The following RASSF6 variants were observed in gnomAD, a reference collection of about 807,000 sequenced individuals.
RASSF6 encodes ras association domain-containing protein 6.
In RASSF6, 52 loss-of-function variants were observed where a neutral mutation model predicts 44.0. The ratio of observed to expected loss-of-function variants is 1.18; its 90% CI spans 0.95 to 1.49. RASSF6 has a LOEUF of 1.49. RASSF6 is among the 40% of genes most tolerant of loss of function. The pLI is 0.00. For missense variants in RASSF6, 464 were observed against 393.3 expected, an observed-to-expected ratio of 1.18 and a Z score of -1.52; for synonymous variants, 162 against 124.6, an observed-to-expected ratio of 1.30 and a Z score of -2.00.
intron 3 of RASSF6, 135 bp downstream of exon 3, chr4:73,598,505 T>C: frequency 1.9e-6 from 1 of 522,232 alleles, no homozygotes; most frequent in Non-Finnish European, 3.4e-6. Flanking sequence ...AAGTCACAAG[T>C]GTTCCAAGCC....
At chr4:73,605,541 C>A (rs1474044222) in intron 2 of RASSF6, among the ~76,000 whole-genome samples, 1 of 152,214 alleles carries the variant, frequency 6.6e-6, no homozygotes, top group Non-Finnish European at 1.5e-5. Flanking sequence ...AGAAAGAATG[C>A]TTTTCAATCT....
intron 1 of RASSF6, among the ~76,000 whole-genome samples, chr4:73,613,283 T>C (rs958923913): frequency 6.6e-6 from 1 of 152,164 alleles, no homozygotes; most frequent in African/African-American, 2.4e-5. Context: ...CCAGGCAAAG[T>C]AATTCTATAC....
rs894482880 is a variant in RASSF6 at position 73,572,091 on chromosome 4, G to A, written c.*4144C>T. 1.3e-4 allele frequency: 20 copies of A among 152,110 alleles called. No homozygotes were observed. The highest frequency in any genetic ancestry group is 1.1e-3 in the Admixed American group (17 of 15,266). 9.4% of individuals were successfully genotyped at this position (152,110 alleles called of 1,614,324 possible). ...GGCTGAAGGTCTCTCATGAAATTAC[G>A]GTCAAGCTATTAGACAGGGCTGCAG... On this transcript the variant is annotated 3_prime_UTR_variant, in exon 11 of 11. Transcript: ENST00000307439.
intron 4 of RASSF6, among the ~76,000 whole-genome samples, chr4:73,591,728 C>T (rs955788347): frequency 3.3e-5 from 5 of 151,792 alleles, no homozygotes; most frequent in African/African-American, 7.3e-5. Context: ...GGATGGGAGA[C>T]GAGATAGATA....
chr4:73,579,832 T>C (rs1186321618), intron 8 of RASSF6, among the ~76,000 whole-genome samples: 1 of 151,932 alleles, frequency 6.6e-6, no homozygotes, highest in Admixed American at 6.6e-5. Context: ...TATGTGTCCT[T>C]AGAATTTTCC....
chr4:73,595,859 T>G (rs1441666658), intron 3 of RASSF6, among the ~76,000 whole-genome samples: 1 of 152,158 alleles, frequency 6.6e-6, no homozygotes, highest in Non-Finnish European at 1.5e-5. Flanking sequence ...TTAAGCTCAA[T>G]AGGAAAGGCC....
At chr4:73,600,351 A>G (rs1725199975) in intron 2 of RASSF6, among the ~76,000 whole-genome samples, 1 of 152,118 alleles carries the variant, frequency 6.6e-6, no homozygotes, top group Non-Finnish European at 1.5e-5. Flanking sequence ...ACAATAAACA[A>G]AGGAAGAAAA....
chr4:73,595,555 C>T (rs1453437878), intron 3 of RASSF6, among the ~76,000 whole-genome samples: 2 of 152,090 alleles, frequency 1.3e-5, no homozygotes, highest in Non-Finnish European at 2.9e-5. Context: ...AAAGAATATG[C>T]CTCAACTTAA....
intron 3 of RASSF6, among the ~76,000 whole-genome samples, chr4:73,594,229 A>C (rs1445737288): frequency 6.6e-6 from 1 of 152,252 alleles, no homozygotes; most frequent in Non-Finnish European, 1.5e-5. Context: ...TAATCATTAT[A>C]TATATGAAAG....
chr4:73,578,288 C>T (rs1232341947), intron 8 of RASSF6, among the ~76,000 whole-genome samples: 7 of 152,110 alleles, frequency 4.6e-5, no homozygotes, highest in African/African-American at 9.7e-5. Context: ...GAGGAAAGAA[C>T]GAGGTGCATG....
chr4:73,620,577 T>A, upstream of RASSF6: 3 of 1,120,004 alleles, frequency 2.7e-6, no homozygotes, highest in Non-Finnish European at 3.7e-6. Flanking sequence ...TTATTTCTCC[T>A]TTTCGCCACA....
At chr4:73,597,003 G>A (rs998054219) in intron 3 of RASSF6, among the ~76,000 whole-genome samples, 1 of 151,968 alleles carries the variant, frequency 6.6e-6, no homozygotes, top group African/African-American at 2.4e-5. Context: ...AATGTAAAAT[G>A]TAAAACTACA....
In RASSF6 at chr4:73,611,726, G is replaced by T. The variant is rs1326347601; in HGVS notation, c.65+5C>A. On this transcript the variant is annotated splice_donor_5th_base_variant and intron_variant, in intron 2 of 10. Transcript: ENST00000307439. ...GACAATGTATAATATAAGGTGTGTG[G>T]TTACCTGGTTATGAATGTCTTCTCA... The T allele has an allele frequency of 6.3e-7, 1 of 1,579,280 alleles. No homozygotes were observed. Among genetic ancestry groups the T allele is most frequent in the South Asian group, 1.1e-5 (1 of 90,172 alleles).
intron 1 of RASSF6, among the ~76,000 whole-genome samples, chr4:73,618,181 TTCTC>T (rs1449459390): frequency 6.6e-6 from 1 of 151,568 alleles, no homozygotes; most frequent in South Asian, 2.1e-4. Context: ...TTTTCTCTCT[TTCTC>T]TCTCTCTCTG....
At chr4:73,611,633 G>T in intron 2 of RASSF6, 98 bp downstream of exon 2, 1 of 666,178 alleles carries the variant, frequency 1.5e-6, no homozygotes, top group South Asian at 2.3e-5. Context: ...TCATATTATT[G>T]ATCTTGTTGA....
intron 2 of RASSF6, among the ~76,000 whole-genome samples, chr4:73,599,472 G>A (rs184541693): frequency 5.9e-5 from 9 of 152,320 alleles, no homozygotes; most frequent in Admixed American, 4.6e-4. Context: ...GTGACTCAGC[G>A]CTTTCTTGCC....
At chr4:73,587,811 C>T (rs1560445263) in intron 5 of RASSF6, 29 bp downstream of exon 5, 1 of 1,411,040 alleles carries the variant, frequency 7.1e-7, no homozygotes, top group East Asian at 2.3e-5. Context: ...AAAATTAAGT[C>T]TCCCAATCAA....
intron 3 of RASSF6, among the ~76,000 whole-genome samples, chr4:73,595,695 A>G (rs1361641735): frequency 7.2e-6 from 1 of 138,224 alleles, no homozygotes; most frequent in Non-Finnish European, 1.6e-5. Context: ...TAAATTTTAT[A>G]TTTTTATAAT....
At chr4:73,579,064 TGGG>T (rs1723438917) in intron 8 of RASSF6, among the ~76,000 whole-genome samples, 1 of 152,196 alleles carries the variant, frequency 6.6e-6, no homozygotes, top group African/African-American at 2.4e-5. Flanking sequence ...GTTTAAAAAA[TGGG>T]ATCTTTTATA....
Sources: allele counts gnomAD v4.1 joint callset (sites outside exome capture counted in the v4.1 genomes callset), GRCh38; gene constraint gnomAD v4.1.1; transcripts MANE v1.5; gene names NCBI Gene and HGNC (gene_info 2026-07-23, HGNC 2026-07-21).